The following DOCK1 variants were observed in gnomAD, a reference collection of about 807,000 sequenced individuals.
The protein encoded by DOCK1 is dedicator of cytokinesis protein 1.
DOCK1 carries 138 observed loss-of-function variants against 262.7 expected under a neutral mutation model. The ratio of observed to expected loss-of-function variants is 0.53; its 90% confidence interval spans 0.46 to 0.61. The LOEUF is 0.61. DOCK1 is among the 20% of genes least tolerant of loss of function. The probability of loss-of-function intolerance (pLI) is 0.00; values close to 1 mark genes in which losing one functional copy is unlikely to be tolerated. For missense variants in DOCK1, 1,908 were observed against 2,370.7 expected (o/e 0.80, Z 4.05); for synonymous variants, 866 against 867.4 (o/e 1.00, Z 0.03).
intron 27 of DOCK1, among the ~76,000 whole-genome samples, chr10:127,233,008 TAG>T (rs1280903755): frequency 6.6e-6 from 1 of 152,204 alleles, no homozygotes; most frequent in African/African-American, 2.4e-5. Context: ...GACTGGTGAT[TAG>T]AGTTTTTGGT....
intron 29 of DOCK1, among the ~76,000 whole-genome samples, chr10:127,335,843 T>C (rs2063168000): frequency 6.6e-6 from 1 of 151,706 alleles, no homozygotes; most frequent in African/African-American, 2.4e-5. Context: ...GCCTCCCGAG[T>C]AGCTGGGACT....
rs539715239 is a variant in DOCK1 at position 127,363,569 on chromosome 10, T to G, written c.3432+1357T>G. On this transcript the variant is annotated intron_variant, in intron 33 of 51. Transcript: ENST00000623213. The stretch of plus-strand genomic sequence containing the variant: ...GATTTTAGAGGAATTTGGAGAAAAA[T>G]TCCTATAATGAAAGGAAATCAAAAC... 1.1e-4 allele frequency among the ~76,000 whole-genome samples: 16 copies of G among 152,240 alleles called. No homozygotes were observed. In the East Asian group the frequency reaches 3.1e-3, roughly 29 times the overall value.
intron 1 of DOCK1, among the ~76,000 whole-genome samples, chr10:126,945,846 G>T (rs1289577348): frequency 6.6e-6 from 1 of 152,182 alleles, no homozygotes; most frequent in African/African-American, 2.4e-5. Flanking sequence ...GTGTCGGAGT[G>T]GCCAAGAGCA....
At chr10:126,950,919 G>A (rs1231896024) in intron 1 of DOCK1, among the ~76,000 whole-genome samples, 4 of 152,070 alleles carry the variant, frequency 2.6e-5, no homozygotes, top group African/African-American at 4.8e-5. Flanking sequence ...TGTTGATGAT[G>A]GTGGTTGGTA....
intron 29 of DOCK1, among the ~76,000 whole-genome samples, chr10:127,337,612 T>C (rs2063258022): frequency 6.6e-6 from 1 of 152,234 alleles, no homozygotes; most frequent in Admixed American, 6.5e-5. Context: ...TCTTGGTTAA[T>C]GGACAAGGCA....
At chr10:127,198,172 G>A (rs1014166434) in intron 27 of DOCK1, among the ~76,000 whole-genome samples, 3 of 152,200 alleles carry the variant, frequency 2.0e-5, no homozygotes, top group Non-Finnish European at 4.4e-5. Context: ...TCTTCTGCCT[G>A]GAAGGGGCCT....
At position 127,127,743 on chromosome 10, in the gene DOCK1, G is replaced by T. The variant is rs763777130; in HGVS notation, c.2826G>T (p.Met942Ile). 16 of 1,612,978 alleles carry T rather than the reference G, an allele frequency of 9.9e-6. No individual in the cohort carries two copies. Among genetic ancestry groups the T allele is most frequent in the Non-Finnish European group, 1.4e-5 (16 of 1,179,246 alleles). ...LRTVNRTVIS[M>I]GRDSELIGNF... ...CCGTGAACCGAACCGTCATTTCCAT[G>T]GGACGAGATTCTGAACTCATTGTAA... The change falls in exon 27 of 52, where the codon ATG (methionine) becomes ATT (isoleucine). Residue 942 changes from methionine to isoleucine, a missense_variant. By Grantham distance (10) the Met-to-Ile change is conservative. Transcript: ENST00000623213.
At chr10:127,113,959 C>A (rs767250456) in intron 25 of DOCK1, among the ~76,000 whole-genome samples, 1 of 152,198 alleles carries the variant, frequency 6.6e-6, no homozygotes, top group African/African-American at 2.4e-5. Flanking sequence ...AAATAATGTT[C>A]AGCCAGCTCT....
At chr10:127,020,265 T>A (rs1405550673) in intron 13 of DOCK1, among the ~76,000 whole-genome samples, 6 of 152,206 alleles carry the variant, frequency 3.9e-5, no homozygotes, top group Admixed American at 1.3e-4. Context: ...AGATACAGAT[T>A]TATAAATTAG....
At chr10:127,335,840 G>A (rs963358162) in intron 29 of DOCK1, among the ~76,000 whole-genome samples, 26 of 151,648 alleles carry the variant, frequency 1.7e-4, no homozygotes, top group African/African-American at 5.1e-4. Context: ...TCAGCCTCCC[G>A]AGTAGCTGGG....
intron 27 of DOCK1, among the ~76,000 whole-genome samples, chr10:127,148,111 G>A (rs954889127): frequency 6.6e-6 from 1 of 150,690 alleles, no homozygotes; most frequent in African/African-American, 2.4e-5. Flanking sequence ...AAAGCATGGA[G>A]TACACAGCAA....
intron 29 of DOCK1, among the ~76,000 whole-genome samples, chr10:127,329,249 C>T (rs1047464159): frequency 1.3e-5 from 2 of 152,174 alleles, no homozygotes; most frequent in East Asian, 1.9e-4. Context: ...GGGTGGGGCA[C>T]GGTCACCCTG....
chr10:127,137,322 G>GA (rs1394311692), intron 27 of DOCK1: 2 of 153,158 alleles, frequency 1.3e-5, no homozygotes, highest in African/African-American at 4.8e-5. Context: ...CCGACCACTT[G>GA]AAAAAATTGT....
chr10:126,964,326 G>T (rs2037499288), intron 1 of DOCK1, among the ~76,000 whole-genome samples: 1 of 152,358 alleles, frequency 6.6e-6, no homozygotes, highest in South Asian at 2.1e-4. Flanking sequence ...GCCCAGCTCA[G>T]TGTGGACCAG....
At chr10:127,345,934 C>G (rs1198825569) in intron 31 of DOCK1, among the ~76,000 whole-genome samples, 1 of 152,234 alleles carries the variant, frequency 6.6e-6, no homozygotes, top group Non-Finnish European at 1.5e-5. Flanking sequence ...CCAACACACA[C>G]AAAGCACAGT....
intron 23 of DOCK1, among the ~76,000 whole-genome samples, chr10:127,105,000 T>C (rs2048450556): frequency 6.6e-6 from 1 of 152,198 alleles, no homozygotes; most frequent in African/African-American, 2.4e-5. Context: ...AATCCCCATG[T>C]GCTGTGGGAG....
chr10:127,171,911 G>GC (rs1021556498), intron 27 of DOCK1, among the ~76,000 whole-genome samples: 2 of 152,038 alleles, frequency 1.3e-5, no homozygotes, highest in Non-Finnish European at 2.9e-5. Context: ...CACCATGTTG[G>GC]CCAGACTGGT....
intron 27 of DOCK1, among the ~76,000 whole-genome samples, chr10:127,155,000 A>G (rs1255282564): frequency 1.3e-5 from 2 of 152,112 alleles, no homozygotes; most frequent in Non-Finnish European, 2.9e-5. Flanking sequence ...TTTTCTGGAT[A>G]TTATTTTGTG....
At chr10:126,917,679 G>A (rs546568536) in intron 1 of DOCK1, among the ~76,000 whole-genome samples, 17 of 152,296 alleles carry the variant, frequency 1.1e-4, no homozygotes, top group Middle Eastern at 3.4e-3. Flanking sequence ...TCCACCCCGG[G>A]CTGTGGGGAC....
Sources: allele counts gnomAD v4.1 joint callset (sites outside exome capture counted in the v4.1 genomes callset), GRCh38; gene constraint gnomAD v4.1.1; transcripts MANE v1.5; gene names NCBI Gene and HGNC (gene_info 2026-07-23, HGNC 2026-07-21).